The following COQ8A variants were observed in gnomAD, a reference collection of about 807,000 sequenced individuals.
COQ8A encodes atypical kinase COQ8A, mitochondrial.
A neutral mutation model predicts 65.0 loss-of-function variants in COQ8A; 51 were observed. The ratio of observed to expected loss-of-function variants is 0.78; its 90% CI spans 0.63 to 0.99. The LOEUF (loss-of-function observed/expected upper bound fraction) is 0.99, where lower values mean the gene tolerates loss of function less well. COQ8A is among the 50% of genes least tolerant of loss of function. COQ8A has a pLI of 0.00. For synonymous variants in COQ8A, 371 were observed against 353.2 expected (o/e 1.05, Z -0.57); for missense variants, 940 against 875.0 (o/e 1.07, Z -0.94).
Position 226,946,443 on chromosome 1 carries a change from A to G in COQ8A, c.-10+6044A>G, listed in dbSNP as rs993192292. Among the ~76,000 whole-genome samples the G allele has an allele frequency of 6.6e-6, 1 of 152,064 alleles. No individual in the cohort carries two copies. Among genetic ancestry groups the G allele is most frequent in the African/African-American group, 2.4e-5 (1 of 41,416 alleles). ...TTCTGGCTGAAGCGTTGGGGCACGG[A>G]GGCATCTAGCGAGAGGTATCGCTGC... On this transcript the variant is annotated intron_variant, in intron 1 of 14. Transcript: ENST00000366777. The surrounding 1 kb of genome is among the most constrained non-coding windows in gnomAD (Gnocchi z 5.3).
chr1:226,948,052 T>G (rs1657150489), intron 1 of COQ8A, among the ~76,000 whole-genome samples: 1 of 152,200 alleles, frequency 6.6e-6, no homozygotes, highest in South Asian at 2.1e-4. Context: ...CTGCTTTAAT[T>G]TCCTATGGCT....
chr1:226,985,301 A>G lies in COQ8A; in HGVS notation c.1620A>G (p.Lys540=), dbSNP rs1318316914. 2 of 1,613,768 alleles carry G rather than the reference A, an allele frequency of 1.2e-6. No individual in the cohort carries two copies. The highest frequency in any genetic ancestry group is 1.7e-6 in the Non-Finnish European group (2 of 1,180,002). ...GGGACAGGGAGACTGTGCGGGCGAA[A>G]TCCATAGAGATGAAGTTCCTCACCG... ...ADRDRETVRA[K]SIEMKFLTGY... is the part of the protein sequence containing the mutation. Residue 540 remains lysine, a synonymous_variant, in exon 14 of 15, where the codon AAA becomes AAG. Transcript: ENST00000366777.
intron 1 of COQ8A, among the ~76,000 whole-genome samples, chr1:226,960,562 A>G (rs1264998797): frequency 2.0e-5 from 2 of 100,508 alleles, no homozygotes; most frequent in African/African-American, 4.1e-5. Flanking sequence ...TGTCAATGGT[A>G]CTTGGTGGTG....
intron 1 of COQ8A, among the ~76,000 whole-genome samples, chr1:226,947,929 G>C (rs1186901799): frequency 1.3e-5 from 2 of 152,162 alleles, no homozygotes; most frequent in East Asian, 3.9e-4. Flanking sequence ...CACCCAGCTT[G>C]GTGCCTCGCA....
chr1:226,979,930 CCA>C (rs1462066383), intron 5 of COQ8A, among the ~76,000 whole-genome samples: 3 of 152,238 alleles, frequency 2.0e-5, no homozygotes, highest in African/African-American at 4.8e-5. Flanking sequence ...TGGCTGTTCT[CCA>C]GACTACCTCA....
chr1:226,979,320 G>C (rs529114851), intron 5 of COQ8A, among the ~76,000 whole-genome samples: 1 of 152,304 alleles, frequency 6.6e-6, no homozygotes, highest in South Asian at 2.1e-4. Flanking sequence ...AGTCCCTGCC[G>C]CCTTCTGCCT....
chr1:226,948,626 C>T (rs1657190621), intron 1 of COQ8A, among the ~76,000 whole-genome samples: 1 of 151,904 alleles, frequency 6.6e-6, no homozygotes, highest in South Asian at 2.1e-4. Flanking sequence ...TCCTGGGTGG[C>T]AGTGGTTCGT....
intron 2 of COQ8A, among the ~76,000 whole-genome samples, chr1:226,964,508 T>TA (rs759416298): frequency 1.4e-4 from 21 of 152,208 alleles, no homozygotes; most frequent in Non-Finnish European, 2.9e-4. Context: ...GAGGATCTCT[T>TA]ACATGCATAC....
At position 226,972,128 on chromosome 1, in the gene COQ8A, G is replaced by A. The variant is rs1485993132; in HGVS notation, c.656-5321G>A. Among the ~76,000 whole-genome samples the A allele has an allele frequency of 6.6e-6, 1 of 152,134 alleles. No homozygotes were observed. The highest frequency in any genetic ancestry group is 1.5e-5 in the Non-Finnish European group (1 of 68,028). ...GAGAAATGGACACCTACAGAAGTGA[G>A]ACTTTAATGGATAGAGGAGGCACTA... On this transcript the variant is annotated intron_variant, in intron 4 of 14. Coordinates refer to ENST00000366777, the MANE Select transcript of COQ8A (RefSeq NM_020247.5). The surrounding 1 kb of genome is among the most constrained non-coding windows in gnomAD (Gnocchi z 4.3).
At position 226,946,868 on chromosome 1, in the gene COQ8A, C is replaced by T. The variant is rs1298363547; in HGVS notation, c.-10+6469C>T. Reference sequence around the variant, plus strand: ...ACTGAGGGCCGTGTGCCCGATGGCTCCTCCTAGCTCTTGCACACCCAGAGG... The same window carrying T: ...ACTGAGGGCCGTGTGCCCGATGGCTTCTCCTAGCTCTTGCACACCCAGAGG... On this transcript the variant is annotated intron_variant, in intron 1 of 14. Transcript: ENST00000366777. The surrounding 1 kb of genome is among the most constrained non-coding windows in gnomAD (Gnocchi z 5.3). Among the ~76,000 whole-genome samples the T allele has an allele frequency of 6.6e-5, 10 of 152,198 alleles. No homozygotes were observed. Among genetic ancestry groups the T allele is most frequent in the African/African-American group, 2.4e-5 (1 of 41,424 alleles).
chr1:226,986,297 CCT>C (rs1468028027), intron 14 of COQ8A, among the ~76,000 whole-genome samples, 154 bp from the exon 15 acceptor site: 2 of 152,190 alleles, frequency 1.3e-5, no homozygotes, highest in Non-Finnish European at 2.9e-5. Flanking sequence ...GTTCCCGGCC[CCT>C]GTGGGTTTGA....
intron 2 of COQ8A, among the ~76,000 whole-genome samples, chr1:226,964,722 G>A (rs1021072438): frequency 1.4e-4 from 22 of 152,244 alleles, no homozygotes; most frequent in African/African-American, 4.8e-4. Context: ...CGCTGCGGGC[G>A]TAGTGTGCAC....
intron 12 of COQ8A, 25 bp from the exon 13 acceptor site, chr1:226,984,851 C>A (rs1443422186): frequency 1.2e-6 from 2 of 1,613,598 alleles, no homozygotes; most frequent in East Asian, 2.2e-5. Context: ...CAGGGCCAAA[C>A]TTCTCCTGGT....
intron 4 of COQ8A, among the ~76,000 whole-genome samples, chr1:226,971,958 A>G (rs1367446894): frequency 2.0e-5 from 3 of 151,638 alleles, no homozygotes; most frequent in Non-Finnish European, 4.4e-5. Flanking sequence ...TCTTTCTGGG[A>G]CTCCAATTAC....
chr1:226,977,552 AG>A (rs1481241420), intron 5 of COQ8A, 29 bp downstream of exon 5: 18 of 1,547,352 alleles, frequency 1.2e-5, no homozygotes, highest in Admixed American at 7.8e-5. Flanking sequence ...TGGGAGGGGC[AG>A]GGTGGGCCCC....
chr1:226,984,876 G>C lies in COQ8A; in HGVS notation c.1507G>C (p.Val503Leu). ...NFFYDPQQHK[V>L]ALLDFGATRE... ...CTTCTCCTGGTGTCTCTGTCCCCAGGTGGCTCTTTTGGATTTTGGGGCAAC... is the reference window on the plus strand; with the variant it reads ...CTTCTCCTGGTGTCTCTGTCCCCAGCTGGCTCTTTTGGATTTTGGGGCAAC... Residue 503 changes from valine to leucine, a missense_variant and splice_region_variant, in exon 13 of 15, where the codon GTG (valine) becomes CTG (leucine). Transcript: ENST00000366777. The C allele has an allele frequency of 6.2e-7, 1 of 1,614,164 alleles. No individual in the cohort carries two copies. Among genetic ancestry groups the C allele is most frequent in the Non-Finnish European group, 8.5e-7 (1 of 1,180,018 alleles).
In COQ8A at chr1:226,977,395, C is replaced by T. The variant is rs929856315; in HGVS notation, c.656-54C>T. On this transcript the variant is annotated intron_variant, in intron 4 of 14. Transcript: ENST00000366777. The stretch of plus-strand genomic sequence containing the variant: ...GCCCCAGGCCTTGTGGGTGGGCGAG[C>T]GGGTGGCCCCAGCCCTGCGTGAGCA... 3.0e-5 allele frequency: 46 copies of T among 1,520,232 alleles called. 1 individual carries two copies. The South Asian group carries it at 4.3e-4, about 14-fold the overall frequency. 94.2% of individuals were successfully genotyped at this position (1,520,232 alleles called of 1,614,324 possible).
At chr1:226,975,802 C>G (rs1403211408) in intron 4 of COQ8A, among the ~76,000 whole-genome samples, 1 of 152,172 alleles carries the variant, frequency 6.6e-6, no homozygotes, top group East Asian at 1.9e-4. Flanking sequence ...GGAGGGTGCA[C>G]TGTTGCCCAG....
chr1:226,983,279 CA>C, intron 8 of COQ8A: 2 of 681,694 alleles, frequency 2.9e-6, no homozygotes, highest in East Asian at 5.4e-5. Flanking sequence ...TGGGCAAGGA[CA>C]GGGGACAAGT....
Sources: allele counts gnomAD v4.1 joint callset (sites outside exome capture counted in the v4.1 genomes callset), GRCh38; gene constraint gnomAD v4.1.1; non-coding constraint Gnocchi (gnomAD v3.1); transcripts MANE v1.5; gene names NCBI Gene and HGNC (gene_info 2026-07-23, HGNC 2026-07-21).